EHMT1: variants seen among roughly 807,000 people sequenced by gnomAD.
EHMT1 encodes histone-lysine N-methyltransferase EHMT1.
EHMT1 carries 15 observed loss-of-function variants against 147.2 expected under a neutral mutation model. That is an observed-to-expected ratio of 0.10 (90% CI 0.07 to 0.16). The LOEUF is 0.16. Among genes scored for constraint, EHMT1 ranks in the 10% least tolerant of loss-of-function variants. The pLI, the probability that EHMT1 is intolerant of heterozygous loss-of-function variation, is 1.00. For synonymous variants in EHMT1, 795 were observed against 709.6 expected (o/e 1.12, Z -1.91); for missense variants, 1,587 against 1,772.4 (o/e 0.90, Z 1.88).
chr9:137,750,967 C>T (rs1157852608), intron 6 of EHMT1, among the ~76,000 whole-genome samples: 1 of 152,160 alleles, frequency 6.6e-6, no homozygotes, highest in African/African-American at 2.4e-5. Flanking sequence ...TGTGTCAGGG[C>T]ACGTAACAAA....
intron 4 of EHMT1, chr9:137,742,826 G>T: frequency 5.5e-6 from 1 of 180,730 alleles, no homozygotes; most frequent in Non-Finnish European, 1.2e-5. Context: ...ATGGTGTCTG[G>T]GTGTTGGGCT....
In EHMT1 at chr9:137,626,884, C is replaced by T. The variant is rs973592998; in HGVS notation, c.21+7835C>T. Reference sequence around the variant, plus strand: ...CACTGTAATCTCTGCATCCTAGGTTCGAGCAATTCTGCCTCAGTCCCACAG... The same window carrying T: ...CACTGTAATCTCTGCATCCTAGGTTTGAGCAATTCTGCCTCAGTCCCACAG... On this transcript the variant is annotated intron_variant, in intron 1 of 26. Coordinates refer to ENST00000460843, the MANE Select transcript of EHMT1 (RefSeq NM_024757.5). 3.3e-5 allele frequency among the ~76,000 whole-genome samples: 5 copies of T among 151,126 alleles called. No individual in the cohort carries two copies. In the East Asian group the frequency reaches 5.9e-4, roughly 18 times the overall value.
At chr9:137,778,140 C>T (rs1297226399) in intron 13 of EHMT1, 85 bp downstream of exon 13, 1 of 1,516,546 alleles carries the variant, frequency 6.6e-7, no homozygotes, top group East Asian at 2.3e-5. Flanking sequence ...GTCACTTTAG[C>T]ACTTCTCAGC....
At chr9:137,727,936 T>C (rs1439839600) in intron 3 of EHMT1, among the ~76,000 whole-genome samples, 2 of 152,262 alleles carry the variant, frequency 1.3e-5, no homozygotes, top group Non-Finnish European at 2.9e-5. Flanking sequence ...GAGGTTTTGA[T>C]GCTGCCCATT....
chr9:137,671,510 C>T (rs1253342260), intron 1 of EHMT1, among the ~76,000 whole-genome samples: 1 of 149,336 alleles, frequency 6.7e-6, no homozygotes, highest in Non-Finnish European at 1.5e-5. Flanking sequence ...AGAGTTGGAT[C>T]CTTTTCTTTC....
chr9:137,710,697 T>C (rs1944625616), intron 1 of EHMT1, among the ~76,000 whole-genome samples: 1 of 152,204 alleles, frequency 6.6e-6, no homozygotes, highest in East Asian at 1.9e-4. Flanking sequence ...TTCAGATATC[T>C]AATTATATAA....
At chr9:137,711,338 C>T (rs1466871068) in intron 2 of EHMT1, among the ~76,000 whole-genome samples, 1 of 152,136 alleles carries the variant, frequency 6.6e-6, no homozygotes, top group African/African-American at 2.4e-5. Context: ...ATTGTCACGT[C>T]GCCGAAAACC....
intron 25 of EHMT1, among the ~76,000 whole-genome samples, chr9:137,825,851 G>A (rs1955777282): frequency 6.6e-6 from 1 of 152,258 alleles, no homozygotes; most frequent in East Asian, 1.9e-4. Flanking sequence ...GGGCTGCCCA[G>A]TGTCAGGGAG....
At chr9:137,810,809 C>G (rs1350462258) in intron 18 of EHMT1, among the ~76,000 whole-genome samples, 2 of 151,950 alleles carry the variant, frequency 1.3e-5, no homozygotes, top group Non-Finnish European at 1.5e-5. Flanking sequence ...AAGCAATTCT[C>G]CTGCCTCAGC....
At chr9:137,737,479 C>T (rs551464708) in intron 4 of EHMT1, among the ~76,000 whole-genome samples, 13 of 152,304 alleles carry the variant, frequency 8.5e-5, no homozygotes, top group African/African-American at 2.9e-4. Flanking sequence ...ATACTGGACC[C>T]TTACCTCACA....
intron 1 of EHMT1, chr9:137,667,272 T>C (rs1038324202): frequency 1.3e-5 from 2 of 152,256 alleles, no homozygotes; most frequent in Non-Finnish European, 2.9e-5. Flanking sequence ...ACACCTGTGA[T>C]GTAAATTTTA....
chr9:137,650,316 C>T (rs943623902), intron 1 of EHMT1, among the ~76,000 whole-genome samples: 2 of 152,142 alleles, frequency 1.3e-5, no homozygotes, highest in East Asian at 1.9e-4. Flanking sequence ...CCAGGCTATT[C>T]TCAAACTCCT....
At chr9:137,757,107 G>T (rs556350754) in intron 8 of EHMT1, among the ~76,000 whole-genome samples, 3 of 152,330 alleles carry the variant, frequency 2.0e-5, no homozygotes, top group African/African-American at 7.2e-5. Context: ...CTCAGTGAAT[G>T]CCCTTGTGAT....
intron 13 of EHMT1, 34 bp downstream of exon 13, chr9:137,778,089 A>T: frequency 1.2e-6 from 2 of 1,613,394 alleles, no homozygotes; most frequent in Non-Finnish European, 1.7e-6. Context: ...GAGATGTCTC[A>T]GAGCCTGTTT....
intron 18 of EHMT1, chr9:137,803,008 C>G (rs1007821397): frequency 8.4e-5 from 104 of 1,231,526 alleles, no homozygotes; most frequent in Non-Finnish European, 1.0e-4. Flanking sequence ...AGGCCACCCC[C>G]AGGTGGGGCC....
At chr9:137,708,641 A>C (rs1016233001) in intron 1 of EHMT1, among the ~76,000 whole-genome samples, 1 of 152,240 alleles carries the variant, frequency 6.6e-6, no homozygotes, top group Non-Finnish European at 1.5e-5. Context: ...ACACATTTAC[A>C]TGTGTTTCGA....
At position 137,711,027 on chromosome 9, in the gene EHMT1, G is replaced by C. The variant is rs1342402816; in HGVS notation, c.82G>C (p.Glu28Gln). ...CTGTGTGAAAACCGAGCTGCTGGGAGAAGGTGAGGGCGGTGTGCACCGAGG... is the reference window on the plus strand; with the variant it reads ...CTGTGTGAAAACCGAGCTGCTGGGACAAGGTGAGGGCGGTGTGCACCGAGG... ...DCCVKTELLG[E>Q]ETPMAADEGS... is the part of the protein sequence containing the mutation. The change falls in exon 2 of 27, where the codon GAA becomes CAA. Residue 28 changes from glutamate (E) to glutamine (Q), a missense_variant. Physicochemically the swap from Glu to Gln is conservative, Grantham distance 29. Coordinates refer to ENST00000460843, the MANE Select transcript of EHMT1 (RefSeq NM_024757.5). 5.7e-6 allele frequency: 9 copies of C among 1,591,034 alleles called. No homozygotes were observed. Among genetic ancestry groups the C allele is most frequent in the Non-Finnish European group, 7.7e-6 (9 of 1,169,396 alleles).
chr9:137,652,655 G>A (rs1388605523), intron 1 of EHMT1, among the ~76,000 whole-genome samples: 1 of 151,938 alleles, frequency 6.6e-6, no homozygotes. Flanking sequence ...CAGAGTGTTG[G>A]GATTACAGGC....
chr9:137,619,417 C>T (rs7470498), intron 1 of EHMT1, among the ~76,000 whole-genome samples: 2 of 151,926 alleles, frequency 1.3e-5, no homozygotes, highest in Non-Finnish European at 2.9e-5. Flanking sequence ...GCCAGGGTGC[C>T]GGGGAGGTGC....
Sources: gnomAD v4.1 joint callset for allele counts (sites outside exome capture counted in the v4.1 genomes callset) on GRCh38, gnomAD v4.1.1 for gene constraint, MANE v1.5 for transcripts, NCBI Gene and HGNC (gene_info 2026-07-23, HGNC 2026-07-21) for gene names.